Variants in MAML3 observed in about 807,000 individuals in gnomAD.
The protein encoded by MAML3 is mastermind-like protein 3.
A neutral mutation model predicts 101.9 loss-of-function variants in MAML3; 27 were observed. The ratio of observed to expected loss-of-function variants is 0.27; its 90% CI spans 0.20 to 0.37. The LOEUF (loss-of-function observed/expected upper bound fraction) is 0.37. Among genes scored for constraint, MAML3 ranks in the 10% least tolerant of loss-of-function variants. The pLI, the probability that MAML3 is intolerant of heterozygous loss-of-function variation, is 1.00. For missense variants in MAML3, 1,316 were observed against 1,444.9 expected, an observed-to-expected ratio of 0.91 and a Z score of 1.45; for synonymous variants, 501 against 555.9, an observed-to-expected ratio of 0.90 and a Z score of 1.39.
intron 1 of MAML3, among the ~76,000 whole-genome samples, chr4:139,922,173 A>AC (rs914877088): frequency 2.6e-5 from 4 of 151,010 alleles, no homozygotes; most frequent in African/African-American, 9.7e-5. Context: ...TTGGAAAGAC[A>AC]CCCGCCTGTC....
intron 2 of MAML3, among the ~76,000 whole-genome samples, chr4:139,804,668 C>A (rs1245324146): frequency 6.6e-6 from 1 of 152,190 alleles, no homozygotes; most frequent in Non-Finnish European, 1.5e-5. Context: ...TATCATACAT[C>A]CTCTTTCTGC....
intron 2 of MAML3, among the ~76,000 whole-genome samples, chr4:139,864,414 C>T (rs1286803121): frequency 1.3e-5 from 2 of 152,150 alleles, no homozygotes; most frequent in Non-Finnish European, 1.5e-5. Flanking sequence ...TGCGGCGGCT[C>T]ACGCCTGTAA....
intron 1 of MAML3, among the ~76,000 whole-genome samples, chr4:140,018,840 T>C (rs966340851): frequency 2.6e-5 from 4 of 152,296 alleles, no homozygotes; most frequent in African/African-American, 7.2e-5. Context: ...GGGGCACATA[T>C]ATGTTTTCTC....
intron 2 of MAML3, among the ~76,000 whole-genome samples, chr4:139,819,118 T>C (rs75082685): frequency 0.012 from 1,837 of 152,226 alleles, 38 homozygotes; most frequent in African/African-American, 0.041. Context: ...GTATAAAACC[T>C]ACAGGTATGG....
At chr4:139,985,462 G>A (rs1734519645) in intron 1 of MAML3, among the ~76,000 whole-genome samples, 1 of 152,198 alleles carries the variant, frequency 6.6e-6, no homozygotes, top group South Asian at 2.1e-4. Context: ...TGCAACAACT[G>A]AAGTCTCACT....
intron 1 of MAML3, among the ~76,000 whole-genome samples, chr4:140,058,067 TA>T (rs1046443203): frequency 2.2e-4 from 27 of 125,540 alleles, no homozygotes; most frequent in East Asian, 4.7e-4. Context: ...AATGCTTTTT[TA>T]AAAAAAATGG....
intron 2 of MAML3, among the ~76,000 whole-genome samples, chr4:139,858,108 T>A (rs1203214828): frequency 6.6e-6 from 1 of 152,250 alleles, no homozygotes; most frequent in Non-Finnish European, 1.5e-5. Context: ...AATGTGCTGA[T>A]TTCAAACTGA....
intron 1 of MAML3, among the ~76,000 whole-genome samples, chr4:140,044,827 G>A (rs1424956646): frequency 1.3e-5 from 2 of 152,272 alleles, no homozygotes; most frequent in East Asian, 1.9e-4. Flanking sequence ...ACAGACATAT[G>A]AGAGTCATTT....
chr4:140,146,952 G>A (rs1729073958), intron 1 of MAML3, among the ~76,000 whole-genome samples: 1 of 151,786 alleles, frequency 6.6e-6, no homozygotes, highest in South Asian at 2.1e-4. Flanking sequence ...TGGCCAACAT[G>A]GTGAAACCTG....
At chr4:139,816,814 A>T (rs538679499) in intron 2 of MAML3, among the ~76,000 whole-genome samples, 1 of 152,116 alleles carries the variant, frequency 6.6e-6, no homozygotes, top group East Asian at 1.9e-4. Context: ...CCACGCTCTC[A>T]ACATTTATCT....
chr4:139,744,734 A>T (rs1046390940), intron 2 of MAML3, among the ~76,000 whole-genome samples: 1 of 152,118 alleles, frequency 6.6e-6, no homozygotes, highest in East Asian at 1.9e-4. Flanking sequence ...GGAGACTGAA[A>T]TCCTAGTGCA....
chr4:140,011,556 G>C (rs1372360388), intron 1 of MAML3, among the ~76,000 whole-genome samples: 1 of 151,038 alleles, frequency 6.6e-6, no homozygotes, highest in African/African-American at 2.4e-5. Flanking sequence ...TTGTTAGCCA[G>C]GATGGTCTCG....
chr4:139,878,531 C>A (rs73857404), intron 2 of MAML3, among the ~76,000 whole-genome samples: 1 of 152,108 alleles, frequency 6.6e-6, no homozygotes, highest in Admixed American at 6.5e-5. Context: ...TGTGTCGAAC[C>A]CTTAGGCTAG....
At chr4:139,857,260 G>A (rs943531270) in intron 2 of MAML3, among the ~76,000 whole-genome samples, 3 of 152,130 alleles carry the variant, frequency 2.0e-5, no homozygotes, top group African/African-American at 7.2e-5. Flanking sequence ...ACCCAGCCAA[G>A]CGGAAGGTCT....
chr4:139,753,145 T>G (rs1729553079), intron 2 of MAML3, among the ~76,000 whole-genome samples: 1 of 152,216 alleles, frequency 6.6e-6, no homozygotes, highest in Non-Finnish European at 1.5e-5. Context: ...CTTCTTTCCC[T>G]TTTCATTGGG....
chr4:140,152,799 C>G, intron 1 of MAML3, 61 bp downstream of exon 1: 4 of 1,560,622 alleles, frequency 2.6e-6, no homozygotes, highest in Non-Finnish European at 3.5e-6. Flanking sequence ...GCTCCACGCG[C>G]CCCCCACCAC....
intron 2 of MAML3, among the ~76,000 whole-genome samples, chr4:139,781,081 C>G (rs1730195976): frequency 6.6e-6 from 1 of 152,146 alleles, no homozygotes; most frequent in Admixed American, 6.5e-5. Context: ...TCACTAGCTC[C>G]TTACCCAAAA....
At chr4:139,843,754 G>C (rs1192470265) in intron 2 of MAML3, among the ~76,000 whole-genome samples, 1 of 152,094 alleles carries the variant, frequency 6.6e-6, no homozygotes, top group Non-Finnish European at 1.5e-5. Context: ...TTACTGTCCT[G>C]CTTGGTCTGA....
intron 2 of MAML3, among the ~76,000 whole-genome samples, chr4:139,786,068 A>G (rs1730299252): frequency 6.6e-6 from 1 of 152,042 alleles, no homozygotes; most frequent in African/African-American, 2.4e-5. Context: ...CACTAATCCG[A>G]TATGGCTGGT....
Sources: gnomAD v4.1 joint callset for allele counts (sites outside exome capture counted in the v4.1 genomes callset) on GRCh38, gnomAD v4.1.1 for gene constraint, MANE v1.5 for transcripts, NCBI Gene and HGNC (gene_info 2026-07-23, HGNC 2026-07-21) for gene names.